Variants in CTNNA2 observed in about 807,000 individuals in gnomAD.
CTNNA2 encodes the protein catenin alpha-2.
Under a neutral mutation model 101.0 loss-of-function variants are expected in CTNNA2, and 42 were observed. The observed-to-expected ratio is 0.42, with a 90% CI of 0.32 to 0.54. The LOEUF (loss-of-function observed/expected upper bound fraction) is 0.54, where lower values mean the gene tolerates loss of function less well. Ranked by LOEUF, CTNNA2 falls within the 20% of genes least tolerant of loss-of-function variation. CTNNA2 has a pLI of 0.14. For synonymous variants in CTNNA2, 450 were observed against 456.4 expected, an observed-to-expected ratio of 0.99 and a Z score of 0.18; for missense variants, 871 against 1,223.1, an observed-to-expected ratio of 0.71 and a Z score of 4.29.
intron 3 of CTNNA2, among the ~76,000 whole-genome samples, chr2:79,364,478 A>T (rs552522573): frequency 2.2e-4 from 34 of 152,324 alleles, no homozygotes; most frequent in African/African-American, 7.9e-4. Flanking sequence ...ATCTTTTGCT[A>T]ACTAGCATGT....
intron 2 of CTNNA2, among the ~76,000 whole-genome samples, chr2:79,688,568 A>G (rs542149331): frequency 6.6e-6 from 1 of 152,232 alleles, no homozygotes; most frequent in Non-Finnish European, 1.5e-5. Flanking sequence ...CTCCAAAAAA[A>G]GAGAATTAAT....
intron 2 of CTNNA2, among the ~76,000 whole-genome samples, chr2:79,699,585 G>A (rs964189629): frequency 2.0e-5 from 3 of 151,652 alleles, no homozygotes; most frequent in Admixed American, 6.6e-5. Context: ...ATCCAACTTT[G>A]CAAAGTTCTT....
At chr2:80,471,981 C>T (rs924507056) in intron 9 of CTNNA2, among the ~76,000 whole-genome samples, 6 of 152,094 alleles carry the variant, frequency 3.9e-5, no homozygotes, top group Non-Finnish European at 8.8e-5. Flanking sequence ...CAAAAATTAG[C>T]TGGGTGTCAT....
chr2:80,548,721 G>C (rs1692310868), intron 11 of CTNNA2, among the ~76,000 whole-genome samples: 1 of 152,102 alleles, frequency 6.6e-6, no homozygotes, highest in African/African-American at 2.4e-5. Flanking sequence ...CCGCAGACGG[G>C]GTTTGACAAA....
intron 9 of CTNNA2, among the ~76,000 whole-genome samples, chr2:80,431,731 A>G (rs118110496): frequency 1.3e-5 from 2 of 152,278 alleles, no homozygotes; most frequent in East Asian, 3.9e-4. Flanking sequence ...GATGTCTGAA[A>G]CACAGGTTTG....
chr2:79,352,087 T>C (rs1427709612), intron 3 of CTNNA2, among the ~76,000 whole-genome samples: 1 of 152,202 alleles, frequency 6.6e-6, no homozygotes, highest in Non-Finnish European at 1.5e-5. Flanking sequence ...TCAGCATTTG[T>C]TATTTTTTGA....
intron 1 of CTNNA2, chr2:79,633,690 T>A (rs1679839593): frequency 6.6e-6 from 1 of 152,242 alleles, no homozygotes; most frequent in African/African-American, 2.4e-5. Flanking sequence ...TTTCCCTCTG[T>A]TTCCCAGCTA....
intron 7 of CTNNA2, among the ~76,000 whole-genome samples, chr2:79,982,818 A>G (rs945102502): frequency 3.9e-5 from 6 of 152,102 alleles, no homozygotes; most frequent in African/African-American, 1.2e-4. Flanking sequence ...GTTTTTACTT[A>G]TTGATACATA....
At chr2:79,814,052 T>G (rs1677261902) in intron 3 of CTNNA2, among the ~76,000 whole-genome samples, 1 of 152,042 alleles carries the variant, frequency 6.6e-6, no homozygotes, top group Non-Finnish European at 1.5e-5. Context: ...CAGTCTTCTC[T>G]TTTTGTGTCT....
intron 2 of CTNNA2, among the ~76,000 whole-genome samples, chr2:79,704,552 C>G (rs1249234722): frequency 6.1e-5 from 8 of 131,404 alleles, no homozygotes; most frequent in Admixed American, 1.8e-4. Context: ...TCGCTCTGTT[C>G]CCCAGGCTGG....
At chr2:80,013,006 G>A (rs1470779314) in intron 7 of CTNNA2, among the ~76,000 whole-genome samples, 1 of 152,024 alleles carries the variant, frequency 6.6e-6, no homozygotes, top group Non-Finnish European at 1.5e-5. Context: ...TCTACAAAAA[G>A]TTTTTAAAAC....
At chr2:79,617,171 G>A (rs1678684584) in intron 1 of CTNNA2, among the ~76,000 whole-genome samples, 1 of 152,008 alleles carries the variant, frequency 6.6e-6, no homozygotes, top group Admixed American at 6.6e-5. Flanking sequence ...CAAAGTGCTG[G>A]GATTACAGGT....
Position 79,402,568 on chromosome 2 carries a change from G to C in CTNNA2, c.-135+28555G>C, listed in dbSNP as rs544707826. On this transcript the variant is annotated intron_variant, in intron 4 of 21. Transcript: ENST00000466387. ...ATTATAACAATATATTGTAGTAAAAGTTATATAAATATGGTCTCTCTCTCT... is the reference window on the plus strand; with the variant it reads ...ATTATAACAATATATTGTAGTAAAACTTATATAAATATGGTCTCTCTCTCT... Among the ~76,000 whole-genome samples the C allele has an allele frequency of 5.3e-5, 8 of 151,740 alleles. No homozygotes were observed. In the South Asian group the frequency reaches 1.7e-3, roughly 32 times the overall value.
intron 4 of CTNNA2, among the ~76,000 whole-genome samples, chr2:79,480,452 T>A (rs912317380): frequency 6.6e-6 from 1 of 152,210 alleles, no homozygotes; most frequent in Non-Finnish European, 1.5e-5. Flanking sequence ...AAGACTCAGA[T>A]CTTTCTTCAG....
At chr2:79,560,438 C>T (rs1001675401) in intron 1 of CTNNA2, among the ~76,000 whole-genome samples, 2 of 151,776 alleles carry the variant, frequency 1.3e-5, no homozygotes, top group Non-Finnish European at 2.9e-5. Flanking sequence ...TGGAAATAGC[C>T]TTGGAAGAAT....
chr2:79,265,108 C>G (rs944492997), intron 2 of CTNNA2, among the ~76,000 whole-genome samples: 2 of 152,122 alleles, frequency 1.3e-5, no homozygotes, highest in African/African-American at 4.8e-5. Context: ...TTTGAGGAAC[C>G]ATTTTAGGAA....
At chr2:79,263,897 T>C (rs767298700) in intron 2 of CTNNA2, among the ~76,000 whole-genome samples, 3 of 152,180 alleles carry the variant, frequency 2.0e-5, no homozygotes, top group Non-Finnish European at 4.4e-5. Flanking sequence ...TATTCTATTA[T>C]AGAAACACAA....
Position 79,591,908 on chromosome 2 carries a change from A to ATT in CTNNA2, c.-5-59627_-5-59626dup, listed in dbSNP as rs35116136. 2.0e-3 allele frequency among the ~76,000 whole-genome samples: 264 copies of ATT among 132,028 alleles called. 1 individual carries two copies. Among genetic ancestry groups the ATT allele is most frequent in the African/African-American group, 5.9e-3 (213 of 35,944 alleles). The allele number at this position is 132,028 out of a possible 152,430, so 86.6% of individuals were successfully genotyped here. A position where few individuals can be genotyped will look rare whatever the true frequency, so the allele number is the denominator to read the frequency against. ...ATCGGTTGTTTCTTTTGAAAAAAAA[A>ATT]TTTTTTTTTTTTTTTTTTGAAATTG... On this transcript the variant is annotated intron_variant, in intron 1 of 18. Transcript: ENST00000402739.
intron 3 of CTNNA2, chr2:79,319,860 C>T (rs1450444875): frequency 1.3e-5 from 2 of 152,122 alleles, no homozygotes; most frequent in Non-Finnish European, 2.9e-5. Flanking sequence ...AGATAAGAGG[C>T]AAAGAAGAAG....
Sources: allele counts gnomAD v4.1 joint callset (sites outside exome capture counted in the v4.1 genomes callset), GRCh38; gene constraint gnomAD v4.1.1; transcripts MANE v1.5; gene names NCBI Gene and HGNC (gene_info 2026-07-23, HGNC 2026-07-21).